The following RD3 variants were observed in gnomAD, a reference collection of about 807,000 sequenced individuals.
RD3 encodes the protein protein RD3.
A neutral mutation model predicts 16.9 loss-of-function variants in RD3; 11 were observed. The observed-to-expected ratio is 0.65, with a 90% confidence interval of 0.41 to 1.08. RD3 has a LOEUF of 1.08. RD3 is among the 50% of genes least tolerant of loss of function. The probability of loss-of-function intolerance (pLI) is 0.00; values close to 1 mark genes in which losing one functional copy is unlikely to be tolerated. For synonymous variants in RD3, 116 were observed against 114.8 expected, an observed-to-expected ratio of 1.01 and a Z score of -0.07; for missense variants, 274 against 267.4, an observed-to-expected ratio of 1.02 and a Z score of -0.17.
At chr1:211,483,535 C>G (rs1172828453) in intron 1 of RD3, among the ~76,000 whole-genome samples, 1 of 152,116 alleles carries the variant, frequency 6.6e-6, no homozygotes, top group African/African-American at 2.4e-5. Flanking sequence ...TCAGATTACA[C>G]AGCTGACCGC....
Position 211,476,856 on chromosome 1 carries a change from T to C in RD3, c.*2180A>G, listed in dbSNP as rs934811609. ...TGATAGGGAAGGAGAAAAATAGACA[T>C]TCTCTTATCCAGCCTCCTTTGAATC... On this transcript the variant is annotated 3_prime_UTR_variant, in exon 3 of 3. Transcript: ENST00000680073. 1 of 152,236 alleles carries C rather than the reference T, an allele frequency of 6.6e-6. No homozygotes were observed. The highest frequency in any genetic ancestry group is 1.9e-4 in the East Asian group (1 of 5,174). 9.4% of individuals were successfully genotyped at this position (152,236 alleles called of 1,614,324 possible).
At chr1:211,481,874 G>A (rs889230489) in intron 1 of RD3, among the ~76,000 whole-genome samples, 4 of 151,798 alleles carry the variant, frequency 2.6e-5, no homozygotes, top group Non-Finnish European at 5.9e-5. Context: ...AGTCTACCAG[G>A]AAAACACCCT....
At chr1:211,490,572 G>A (rs1422246392) in intron 1 of RD3, among the ~76,000 whole-genome samples, 1 of 152,258 alleles carries the variant, frequency 6.6e-6, no homozygotes, top group Non-Finnish European at 1.5e-5. Flanking sequence ...TTCTCAGTGG[G>A]GGCAGAGAGT....
rs536734715 is a variant in RD3, at chr1:211,479,000, A to C, written c.*36T>G. 4 of 1,558,266 alleles carry C rather than the reference A, an allele frequency of 2.6e-6. No homozygotes were observed. Among genetic ancestry groups the C allele is most frequent in the Non-Finnish European group, 3.5e-6 (4 of 1,155,382 alleles). ...GTCACCGGCCTATCATTCCCCCTGC[A>C]GAAGGCTCCGCTTCTGGGCAGGGAA... On this transcript the variant is annotated 3_prime_UTR_variant, in exon 3 of 3. Coordinates refer to ENST00000680073, the MANE Select transcript of RD3 (RefSeq NM_001164688.2).
rs1279985498 is a variant in RD3 at position 211,482,017 on chromosome 1, G to T, written c.-11-591C>A. Among the ~76,000 whole-genome samples, 5 of 152,190 alleles carry T rather than the reference G, an allele frequency of 3.3e-5. No homozygotes were observed. The East Asian group carries it at 9.6e-4, about 29-fold the overall frequency. ...ATGGGCAGATCACCTGAGGTTGGGA[G>T]ATCAAGACAAGCCTGACCAACATGG... On this transcript the variant is annotated intron_variant, in intron 1 of 2. Coordinates refer to ENST00000680073, the MANE Select transcript of RD3 (RefSeq NM_001164688.2).
At chr1:211,485,968 C>T (rs959404012) in intron 1 of RD3, among the ~76,000 whole-genome samples, 4 of 151,580 alleles carry the variant, frequency 2.6e-5, no homozygotes, top group Admixed American at 6.6e-5. Context: ...GGTGAAACTC[C>T]GTCTCTACCA....
At chr1:211,480,630 G>C (rs1254711855) in intron 2 of RD3, among the ~76,000 whole-genome samples, 3 of 145,636 alleles carry the variant, frequency 2.1e-5, no homozygotes, top group African/African-American at 7.8e-5. Context: ...CAGTGCCCCA[G>C]GGTTTTGTTT....
chr1:211,484,418 T>C (rs1705333922), intron 1 of RD3, among the ~76,000 whole-genome samples: 1 of 152,186 alleles, frequency 6.6e-6, no homozygotes, highest in East Asian at 1.9e-4. Flanking sequence ...GAGCTTTTTT[T>C]TCTTCTTAAT....
At chr1:211,488,647 T>TAGGA in intron 1 of RD3, among the ~76,000 whole-genome samples, 1 of 152,152 alleles carries the variant, frequency 6.6e-6, no homozygotes, top group African/African-American at 2.4e-5. Context: ...GAAAGCCAGC[T>TAGGA]AGGAACATGG....
Position 211,486,008 on chromosome 1 carries a change from G to A in RD3, c.-11-4582C>T, listed in dbSNP as rs116276516. On this transcript the variant is annotated intron_variant, in intron 1 of 2. Coordinates refer to ENST00000680073, the MANE Select transcript of RD3 (RefSeq NM_001164688.2). ...TATAAAAAATTAGCTGGGCGTTGTG[G>A]CATGCGCCTGTAGTTCCAACTACTC... 3.6e-3 allele frequency among the ~76,000 whole-genome samples: 549 copies of A among 151,596 alleles called. 2 individuals are homozygous for A. The highest frequency in any genetic ancestry group is 0.013 in the African/African-American group (529 of 41,298).
intron 2 of RD3, among the ~76,000 whole-genome samples, chr1:211,480,029 C>A (rs578086029): frequency 2.0e-5 from 3 of 152,160 alleles, no homozygotes; most frequent in Non-Finnish European, 4.4e-5. Context: ...GACATGAGAC[C>A]GGAAATGAGA....
chr1:211,479,400 G>A, intron 2 of RD3, 73 bp from the exon 3 acceptor site: 13 of 1,429,024 alleles, frequency 9.1e-6, no homozygotes, highest in Non-Finnish European at 1.2e-5. Flanking sequence ...GTCTAACCCC[G>A]AGGGGCTGCC....
Position 211,478,245 on chromosome 1 carries a change from C to A in RD3, c.*791G>T. The A allele has an allele frequency of 2.5e-6, 1 of 398,446 alleles. No individual in the cohort carries two copies. The highest frequency in any genetic ancestry group is 6.3e-4 in the Middle Eastern group (1 of 1,586). The allele number at this position is 398,446 out of a possible 1,614,324, so 24.7% of individuals were successfully genotyped here. A position where few individuals can be genotyped will look rare whatever the true frequency, so the allele number is the denominator to read the frequency against. ...GGGTAATGAGTAACCTACCTCCACC[C>A]CTAGCTACACTTCTTGGAGAGCAGC... On this transcript the variant is annotated 3_prime_UTR_variant, in exon 3 of 3. Coordinates refer to ENST00000680073, the MANE Select transcript of RD3 (RefSeq NM_001164688.2).
intron 1 of RD3, among the ~76,000 whole-genome samples, chr1:211,489,841 C>A (rs530769239): frequency 9.9e-5 from 15 of 152,222 alleles, no homozygotes; most frequent in Admixed American, 5.9e-4. Context: ...GGTGGTGAGG[C>A]CTCAGGTTTA....
chr1:211,491,414 A>G (rs1363849106), intron 1 of RD3, among the ~76,000 whole-genome samples: 2 of 152,196 alleles, frequency 1.3e-5, no homozygotes, highest in African/African-American at 4.8e-5. Flanking sequence ...TGTCCACTCT[A>G]TAAAGGCAGA....
chr1:211,479,691 C>G (rs1447695635), intron 2 of RD3, among the ~76,000 whole-genome samples: 1 of 152,202 alleles, frequency 6.6e-6, no homozygotes, highest in African/African-American at 2.4e-5. Flanking sequence ...TCTGGCTAAG[C>G]CTCTCCTGTC....
rs571334298 is a variant in RD3, at chr1:211,486,810, T to A, written c.-12+4958A>T. On this transcript the variant is annotated intron_variant, in intron 1 of 2. Coordinates refer to ENST00000680073, the MANE Select transcript of RD3 (RefSeq NM_001164688.2). ...GTGAGCCGAGATTGCACCATTGCAC[T>A]CCAGCCTGGGTGACAAGAGCGAAAC... Among the ~76,000 whole-genome samples the A allele has an allele frequency of 1.1e-3, 172 of 152,170 alleles. 1 individual carries two copies. Among genetic ancestry groups the A allele is most frequent in the Non-Finnish European group, 2.0e-3 (136 of 67,994 alleles).
chr1:211,486,275 T>G (rs1323196999), intron 1 of RD3, among the ~76,000 whole-genome samples: 1 of 149,370 alleles, frequency 6.7e-6, no homozygotes, highest in Non-Finnish European at 1.5e-5. Context: ...GAGGCCAAGG[T>G]GGGTGGATCA....
rs1001242641 is a variant in RD3, at chr1:211,478,259, T to C, written c.*777A>G. On this transcript the variant is annotated 3_prime_UTR_variant, in exon 3 of 3. Coordinates refer to ENST00000680073, the MANE Select transcript of RD3 (RefSeq NM_001164688.2). ...CTACCTCCACCCCTAGCTACACTTC[T>C]TGGAGAGCAGCTTAGATTCTCATCC... The C allele has an allele frequency of 1.5e-5, 6 of 398,334 alleles. No homozygotes were observed. The Admixed American group carries it at 2.6e-4, about 18-fold the overall frequency. The allele number at this position is 398,334 out of a possible 1,614,324, so 24.7% of individuals were successfully genotyped here.
Sources: allele counts gnomAD v4.1 joint callset (sites outside exome capture counted in the v4.1 genomes callset), GRCh38; gene constraint gnomAD v4.1.1; transcripts MANE v1.5; gene names NCBI Gene and HGNC (gene_info 2026-07-23, HGNC 2026-07-21).